The following COL15A1 variants were observed in gnomAD, a reference collection of about 807,000 sequenced individuals.
The protein encoded by COL15A1 is collagen type XV alpha 1 chain, also known as collagen alpha-1(XV) chain.
In COL15A1, 111 loss-of-function variants were observed where a neutral mutation model predicts 165.9. The ratio of observed to expected loss-of-function variants is 0.67; its 90% CI spans 0.57 to 0.78. The LOEUF is 0.78. Ranked by LOEUF, COL15A1 falls within the 30% of genes least tolerant of loss-of-function variation. COL15A1 has a pLI of 0.00. For missense variants in COL15A1, 1,745 were observed against 1,789.7 expected (o/e 0.98, Z 0.45); for synonymous variants, 659 against 674.8 (o/e 0.98, Z 0.36).
chr9:99,020,861 T>G (rs1244861221), intron 12 of COL15A1, among the ~76,000 whole-genome samples: 1 of 152,236 alleles, frequency 6.6e-6, no homozygotes, highest in Non-Finnish European at 1.5e-5. Context: ...GTTTGCCTTT[T>G]TGTAGCTGTG....
At chr9:98,977,528 C>T (rs971673079) in intron 2 of COL15A1, among the ~76,000 whole-genome samples, 1 of 152,242 alleles carries the variant, frequency 6.6e-6, no homozygotes, top group African/African-American at 2.4e-5. Context: ...TCGTCCCCTA[C>T]CACGCCATGC....
Position 98,983,402 on chromosome 9 carries a change from A to G in COL15A1, c.101-2163A>G, listed in dbSNP as rs147681377. ...CGGTACAGACTCCCCCATCTCAGTG[A>G]GGCTGCAGCAGTGAATCAGCCAGAA... On this transcript the variant is annotated intron_variant, in intron 2 of 41. Transcript: ENST00000375001. Among the ~76,000 whole-genome samples, 12 of 152,272 alleles carry G rather than the reference A, an allele frequency of 7.9e-5. No individual in the cohort carries two copies. The East Asian group carries it at 2.3e-3, about 29-fold the overall frequency.
chr9:99,055,139 G>A lies in COL15A1; in HGVS notation c.3069G>A (p.Leu1023=), dbSNP rs749953704. ...ATCTAGCTTACCTGAGACACTTTCT[G>A]AACAACTTGAAGGTGAGTATTTCTC... ...PLDLAYLRHF[L]NNLKGENGDK... The change falls in exon 33 of 42, where the codon CTG becomes CTA. Residue 1023 remains leucine (L), a synonymous_variant. Transcript: ENST00000375001. 5 of 1,613,248 alleles carry A rather than the reference G, an allele frequency of 3.1e-6. No homozygotes were observed. In the Admixed American group the frequency reaches 8.3e-5, roughly 27 times the overall value.
intron 26 of COL15A1, among the ~76,000 whole-genome samples, chr9:99,046,072 C>T (rs970905473): frequency 6.6e-6 from 1 of 152,200 alleles, no homozygotes; most frequent in African/African-American, 2.4e-5. Context: ...ACCTACTAAC[C>T]TCCAATACTG....
intron 9 of COL15A1, among the ~76,000 whole-genome samples, chr9:99,007,577 C>T (rs1482694267): frequency 1.3e-5 from 2 of 151,892 alleles, no homozygotes; most frequent in Non-Finnish European, 2.9e-5. Flanking sequence ...TCATGCCCTA[C>T]AAGAGAAAAT....
At chr9:99,037,388 C>T (rs541134301) in intron 21 of COL15A1, among the ~76,000 whole-genome samples, 150 of 152,266 alleles carry the variant, frequency 9.9e-4, no homozygotes, top group Non-Finnish European at 1.7e-3. Flanking sequence ...CATGGGCATG[C>T]ACTCTGCATC....
rs73655904 is a variant in COL15A1 at position 99,015,937 on chromosome 9, C to T, written c.1504-39C>T. ...TACAACTCCCTGGCAGCCTCATGAG[C>T]GAGGTGAGGTGGTGCCTTAATGCTG... On this transcript the variant is annotated intron_variant, in intron 10 of 41. Transcript: ENST00000375001. 6.7e-3 allele frequency: 10,783 copies of T among 1,603,010 alleles called. 606 individuals carry two copies. In the African/African-American group the frequency reaches 0.12, roughly 18 times the overall value.
intron 2 of COL15A1, among the ~76,000 whole-genome samples, chr9:98,960,483 A>C (rs561403396): frequency 1.5e-4 from 23 of 152,290 alleles, no homozygotes; most frequent in Admixed American, 5.9e-4. Flanking sequence ...ATCTAGACCC[A>C]CAGCATCAGA....
intron 2 of COL15A1, among the ~76,000 whole-genome samples, chr9:98,980,064 G>A (rs1304402763): frequency 6.6e-6 from 1 of 152,100 alleles, no homozygotes; most frequent in Non-Finnish European, 1.5e-5. Context: ...AGGCTGAGAG[G>A]TGGAAGGGTC....
In COL15A1 at chr9:99,059,865, C is replaced by T. The variant is rs762641872; in HGVS notation, c.3338-24C>T. On this transcript the variant is annotated intron_variant, in intron 35 of 41. Coordinates refer to ENST00000375001, the MANE Select transcript of COL15A1 (RefSeq NM_001855.5). ...TTTTCAGAGTGTGGTTTTTGTGTAA[C>T]TTCTCTTTTCTGTTTTGTCTTAGCT... 3.7e-6 allele frequency: 6 copies of T among 1,611,708 alleles called. No homozygotes were observed. In the African/African-American group the frequency reaches 6.7e-5, roughly 18 times the overall value.
At chr9:99,059,803 A>G in intron 35 of COL15A1, 86 bp from the exon 36 acceptor site, 4 of 1,471,328 alleles carry the variant, frequency 2.7e-6, no homozygotes, top group Non-Finnish European at 3.8e-6. Flanking sequence ...GGGGTTGAAC[A>G]CACTTCTCTC....
intron 21 of COL15A1, among the ~76,000 whole-genome samples, chr9:99,036,729 A>G (rs558433182): frequency 2.6e-5 from 4 of 152,342 alleles, no homozygotes; most frequent in South Asian, 4.1e-4. Flanking sequence ...TTGAGAAATA[A>G]AGCCAAAGAT....
At chr9:98,973,568 G>A (rs1361882197) in intron 2 of COL15A1, among the ~76,000 whole-genome samples, 1 of 152,230 alleles carries the variant, frequency 6.6e-6, no homozygotes, top group Non-Finnish European at 1.5e-5. Flanking sequence ...CGTGGATTGT[G>A]TTGTGTTCAT....
intron 35 of COL15A1, among the ~76,000 whole-genome samples, chr9:99,058,740 G>A (rs531745783): frequency 2.6e-4 from 40 of 152,192 alleles, no homozygotes; most frequent in Admixed American, 6.5e-4. Context: ...GCTCACAGAG[G>A]TGAAGAGACT....
At position 98,948,596 on chromosome 9, in the gene COL15A1, C is replaced by CAAAA. The variant is rs67986686; in HGVS notation, c.100+4364_100+4367dup. ...CTGGCAACAGAGGGAGACTCTGTCT[C>CAAAA]AAAAAAAAAAAAAAAAAAAAAGAGA... On this transcript the variant is annotated intron_variant, in intron 2 of 41. Coordinates refer to ENST00000375001, the MANE Select transcript of COL15A1 (RefSeq NM_001855.5). Among the ~76,000 whole-genome samples, 16 of 100,498 alleles carry CAAAA rather than the reference C, an allele frequency of 1.6e-4. 1 individual carries two copies. The East Asian group carries it at 3.7e-3, about 23-fold the overall frequency. The allele number at this position is 100,498 out of a possible 152,430, so 65.9% of individuals were successfully genotyped here.
intron 26 of COL15A1, among the ~76,000 whole-genome samples, 176 bp from the exon 27 acceptor site, chr9:99,047,610 C>T (rs1415618522): frequency 1.3e-5 from 2 of 152,132 alleles, no homozygotes; most frequent in Non-Finnish European, 2.9e-5. Context: ...TAGCTGAGAG[C>T]GGAGAGGCTG....
chr9:98,948,375 G>C (rs532279209), intron 2 of COL15A1, among the ~76,000 whole-genome samples: 2 of 152,228 alleles, frequency 1.3e-5, no homozygotes, highest in African/African-American at 4.8e-5. Flanking sequence ...GGGGCGGGCA[G>C]ATCATTAGGT....
At position 98,991,909 on chromosome 9, in the gene COL15A1, A is replaced by G. The variant is rs188101970; in HGVS notation, c.804+2651A>G. Reference sequence around the variant, plus strand: ...AGACATAAAAGTTCTCCAAGTCCCCACTAGATTAGCTAGACACAGAGCACT... The same window carrying G: ...AGACATAAAAGTTCTCCAAGTCCCCGCTAGATTAGCTAGACACAGAGCACT... On this transcript the variant is annotated intron_variant, in intron 5 of 41. Coordinates refer to ENST00000375001, the MANE Select transcript of COL15A1 (RefSeq NM_001855.5). 5.2e-3 allele frequency among the ~76,000 whole-genome samples: 789 copies of G among 152,310 alleles called. 3 individuals are homozygous for G. The highest frequency in any genetic ancestry group is 7.8e-3 in the Non-Finnish European group (529 of 68,034).
intron 30 of COL15A1, 44 bp from the exon 31 acceptor site, chr9:99,052,344 C>G (rs4142986): frequency 0.71 from 1,051,352 of 1,486,732 alleles, 377,430 homozygotes; most frequent in African/African-American, 0.95. Context: ...GCAAACACCA[C>G]GGCAGAGCTT....
Sources: allele counts gnomAD v4.1 joint callset (sites outside exome capture counted in the v4.1 genomes callset), GRCh38; gene constraint gnomAD v4.1.1; transcripts MANE v1.5; gene names NCBI Gene and HGNC (gene_info 2026-07-23, HGNC 2026-07-21).